Variants in MROH1 observed in about 807,000 individuals in gnomAD.
MROH1 encodes the protein maestro heat-like repeat-containing protein family member 1.
A neutral mutation model predicts 116.5 loss-of-function variants in MROH1; 117 were observed. The observed-to-expected ratio is 1.00, with a 90% CI of 0.86 to 1.17. The LOEUF is 1.17. Among genes scored for constraint, MROH1 ranks in the 50% most tolerant of loss-of-function variants. MROH1 has a pLI of 0.00. For missense variants in MROH1, 1,873 were observed against 1,338.5 expected (o/e 1.40, Z -6.23); for synonymous variants, 921 against 583.9 (o/e 1.58, Z -8.32).
chr8:144,221,822 G>A (rs113117919), intron 13 of MROH1, among the ~76,000 whole-genome samples: 1,779 of 152,294 alleles, frequency 0.012, 26 homozygotes, highest in African/African-American at 0.038. Flanking sequence ...AGGAGGAAGT[G>A]CTTGGGGAAG....
intron 10 of MROH1, among the ~76,000 whole-genome samples, chr8:144,198,047 CAAAA>C (rs11366876): frequency 8.6e-6 from 1 of 116,820 alleles, no homozygotes; most frequent in African/African-American, 3.3e-5. Flanking sequence ...AAAACTGTTT[CAAAA>C]AAAAAAAAAA....
chr8:144,157,986 T>C (rs1232194853), intron 1 of MROH1, among the ~76,000 whole-genome samples: 2 of 142,762 alleles, frequency 1.4e-5, no homozygotes, highest in African/African-American at 2.7e-5. Context: ...CATCTATTTC[T>C]TTCTTTTTTT....
At position 144,188,449 on chromosome 8, in the gene MROH1, A is replaced by ATTTTTT. The variant is rs573524223; in HGVS notation, c.563-2302_563-2297dup. On this transcript the variant is annotated intron_variant, in intron 7 of 43. Transcript: ENST00000326134. ...CTGGGTCAGGTGCTACCACTGCCCA[A>ATTTTTT]TTTTTTTTTTTTTTTTTTTTTTTTT... 6.5e-4 allele frequency among the ~76,000 whole-genome samples: 30 copies of ATTTTTT among 45,836 alleles called. 3 individuals carry two copies. The highest frequency in any genetic ancestry group is 2.3e-3 in the African/African-American group (27 of 11,544). 30.1% of individuals were successfully genotyped at this position (45,836 alleles called of 152,430 possible). A position where few individuals can be genotyped will look rare whatever the true frequency, so the allele number is the denominator to read the frequency against.
At chr8:144,175,431 TGCTCTGAC>T in intron 4 of MROH1, 7 of 927,440 alleles carry the variant, frequency 7.5e-6, no homozygotes, top group Non-Finnish European at 9.0e-6. Flanking sequence ...AGCTCAGCCA[TGCTCTGAC>T]TAGATAGAAC....
intron 1 of MROH1, among the ~76,000 whole-genome samples, chr8:144,155,287 C>T (rs2130636450): frequency 6.6e-6 from 1 of 152,190 alleles, no homozygotes; most frequent in East Asian, 1.9e-4. Flanking sequence ...TTAGATTTTT[C>T]TTGACTGCAG....
intron 1 of MROH1, among the ~76,000 whole-genome samples, chr8:144,159,072 A>G (rs1818856792): frequency 6.6e-6 from 1 of 152,110 alleles, no homozygotes; most frequent in Non-Finnish European, 1.5e-5. Context: ...TAACAGAGAC[A>G]GAGGGCCGGG....
At chr8:144,259,814 C>A (rs1214591962) in intron 37 of MROH1, 97 bp from the exon 38 acceptor site, 6 of 704,346 alleles carry the variant, frequency 8.5e-6, no homozygotes, top group South Asian at 1.5e-5. Flanking sequence ...GTCTGCCACA[C>A]CGGCGTGGGG....
rs776077640 is a variant in MROH1, at chr8:144,220,655, C to G, written c.1197C>G (p.Leu399=). 3 of 1,576,274 alleles carry G rather than the reference C, an allele frequency of 1.9e-6. No homozygotes were observed. Among genetic ancestry groups the G allele is most frequent in the East Asian group, 4.7e-5 (2 of 42,990 alleles). Residue 399 remains leucine (L), a synonymous_variant, in exon 13 of 44, where the codon CTC becomes CTG. Coordinates refer to ENST00000326134, the MANE Select transcript of MROH1 (RefSeq NM_032450.3). ...PFILSSMRLP[L]LDTNSKVKRA... ...TCCTGTCTTCCATGAGGCTTCCTCTCCTGGACACCAACAGCAAGGTAAACC... is the reference window on the plus strand; with the variant it reads ...TCCTGTCTTCCATGAGGCTTCCTCTGCTGGACACCAACAGCAAGGTAAACC...
intron 13 of MROH1, among the ~76,000 whole-genome samples, chr8:144,222,076 A>G (rs1167290176): frequency 3.3e-5 from 2 of 60,990 alleles, no homozygotes; most frequent in African/African-American, 6.0e-5. Context: ...CAGGGACCAG[A>G]TTTATGGTAC....
In MROH1 at chr8:144,216,212, T is replaced by C. The variant is rs1345783544; in HGVS notation, c.1142-4388T>C. ...ACAAAGAGCCTGGCTCAGTGGCTCA[T>C]GCCTGTAATCCCAGCACTTTTGGAG... is the stretch of plus-strand genomic sequence containing the variant. On this transcript the variant is annotated intron_variant, in intron 12 of 43. Coordinates refer to ENST00000326134, the MANE Select transcript of MROH1 (RefSeq NM_032450.3). Among the ~76,000 whole-genome samples, 9 of 150,840 alleles carry C rather than the reference T, an allele frequency of 6.0e-5. No homozygotes were observed. The South Asian group carries it at 1.7e-3, about 28-fold the overall frequency.
At chr8:144,226,176 A>G (rs1243291067) in intron 14 of MROH1, among the ~76,000 whole-genome samples, 1 of 151,982 alleles carries the variant, frequency 6.6e-6, no homozygotes, top group African/African-American at 2.4e-5. Context: ...CGGCCTCCCA[A>G]AGTGCTGGGA....
chr8:144,254,600 G>T, intron 33 of MROH1: 1 of 573,496 alleles, frequency 1.7e-6, no homozygotes, highest in Non-Finnish European at 3.1e-6. Flanking sequence ...TTTTCTCTGT[G>T]TCCTTTATTA....
intron 29 of MROH1, among the ~76,000 whole-genome samples, chr8:144,246,730 C>T (rs1004403816): frequency 2.0e-5 from 3 of 152,148 alleles, no homozygotes; most frequent in Non-Finnish European, 2.9e-5. Context: ...AGGAAGGCCT[C>T]GCACGTGGGG....
intron 10 of MROH1, among the ~76,000 whole-genome samples, chr8:144,197,120 A>G (rs902124467): frequency 2.0e-5 from 3 of 152,022 alleles, no homozygotes; most frequent in Non-Finnish European, 4.4e-5. Context: ...CAACAACAAC[A>G]TCTGTTATCT....
intron 14 of MROH1, among the ~76,000 whole-genome samples, chr8:144,237,233 A>G (rs1465306543): frequency 6.6e-6 from 1 of 152,050 alleles, no homozygotes; most frequent in Non-Finnish European, 1.5e-5. Flanking sequence ...ATGTGCATGC[A>G]TCTCTCTCCG....
Position 144,259,265 on chromosome 8 carries a change from C to A in MROH1, c.3955C>A (p.Arg1319=), listed in dbSNP as rs1326966387. 2 of 714,482 alleles carry A rather than the reference C, an allele frequency of 2.8e-6. No individual in the cohort carries two copies. Among genetic ancestry groups the A allele is most frequent in the Non-Finnish European group, 5.2e-6 (2 of 384,874 alleles). The allele number at this position is 714,482 out of a possible 1,614,324, so 44.3% of individuals were successfully genotyped here. A position where few individuals can be genotyped will look rare whatever the true frequency, so the allele number is the denominator to read the frequency against. ...GGCCATGGCTGAGCACGCAGGGCCC[C>A]GACTCCCCCTGGTGCTGAAGACGCT... ...ARAMAEHAGP[R]LPLVLKTLAC... is the part of the protein sequence containing the mutation. Residue 1319 remains arginine, a synonymous_variant, in exon 37 of 44, where the codon CGA becomes AGA. Coordinates refer to ENST00000326134, the MANE Select transcript of MROH1 (RefSeq NM_032450.3).
intron 4 of MROH1, among the ~76,000 whole-genome samples, chr8:144,171,693 T>C (rs1822493498): frequency 6.6e-6 from 1 of 152,208 alleles, no homozygotes; most frequent in Non-Finnish European, 1.5e-5. Context: ...TTTAGGTGTT[T>C]TCCATCTGTT....
chr8:144,212,076 T>TTTG (rs1554813809), intron 12 of MROH1, among the ~76,000 whole-genome samples: 7 of 151,090 alleles, frequency 4.6e-5, no homozygotes, highest in Non-Finnish European at 7.4e-5. Context: ...TGTGTTGTTT[T>TTTG]TTTGTTTGTT....
chr8:144,204,525 A>G (rs750491736), intron 12 of MROH1, among the ~76,000 whole-genome samples: 1 of 152,242 alleles, frequency 6.6e-6, no homozygotes, highest in Non-Finnish European at 1.5e-5. Context: ...GTATTTATTC[A>G]CCAACCAGGT....
Sources: gnomAD v4.1 joint callset for allele counts (sites outside exome capture counted in the v4.1 genomes callset) on GRCh38, gnomAD v4.1.1 for gene constraint, MANE v1.5 for transcripts, NCBI Gene and HGNC (gene_info 2026-07-23, HGNC 2026-07-21) for gene names.